NRCAM: variants seen among roughly 807,000 people sequenced by gnomAD.
The protein encoded by NRCAM is NgCAM-related cell adhesion molecule.
Under a neutral mutation model 156.5 loss-of-function variants are expected in NRCAM, and 83 were observed. The observed-to-expected ratio is 0.53, with a 90% CI of 0.44 to 0.64. The LOEUF (loss-of-function observed/expected upper bound fraction) is 0.64. NRCAM is among the 30% of genes least tolerant of loss of function. NRCAM has a pLI of 0.00. For synonymous variants in NRCAM, 538 were observed against 563.9 expected, an observed-to-expected ratio of 0.95 and a Z score of 0.65; for missense variants, 1,417 against 1,597.3, an observed-to-expected ratio of 0.89 and a Z score of 1.92.
intron 4 of NRCAM, among the ~76,000 whole-genome samples, chr7:108,238,791 A>AT (rs1215757439): frequency 5.9e-5 from 9 of 151,932 alleles, no homozygotes; most frequent in Non-Finnish European, 1.0e-4. Context: ...CACTGGATGA[A>AT]TTTTTTTTAA....
chr7:108,349,291 C>T (rs142882620), intron 2 of NRCAM, among the ~76,000 whole-genome samples: 26,235 of 149,370 alleles, frequency 0.18, 2,488 homozygotes, highest in Middle Eastern at 0.24. Flanking sequence ...TTTTTTGAGA[C>T]GGAGTCTCAC....
intron 26 of NRCAM, 108 bp from the exon 27 acceptor site, chr7:108,176,714 T>C (rs932047796): frequency 7.6e-6 from 6 of 791,962 alleles, no homozygotes; most frequent in Non-Finnish European, 1.2e-5. Flanking sequence ...TACATTGACT[T>C]TTATAATCCC....
At chr7:108,175,950 C>T (rs1359566362) in intron 27 of NRCAM, among the ~76,000 whole-genome samples, 3 of 152,028 alleles carry the variant, frequency 2.0e-5, no homozygotes, top group Admixed American at 2.0e-4. Context: ...GTTTCGATTT[C>T]CTTGCTAGAA....
intron 13 of NRCAM, among the ~76,000 whole-genome samples, chr7:108,204,974 T>C (rs1034456078): frequency 1.3e-5 from 2 of 152,188 alleles, no homozygotes; most frequent in Non-Finnish European, 2.9e-5. Flanking sequence ...AGTGTTATTA[T>C]GTTATGAGTG....
intron 11 of NRCAM, among the ~76,000 whole-genome samples, chr7:108,212,514 G>A (rs1275190023): frequency 6.6e-6 from 1 of 152,050 alleles, no homozygotes; most frequent in Non-Finnish European, 1.5e-5. Flanking sequence ...AGAAGCAAAG[G>A]GAGAAATAGT....
Position 108,148,836 on chromosome 7 carries a change from A to C in NRCAM, c.*1074T>G, listed in dbSNP as rs968335016. On this transcript the variant is annotated 3_prime_UTR_variant, in exon 33 of 33. Transcript: ENST00000379028. The stretch of plus-strand genomic sequence containing the variant: ...AATAGAAACCATAAAGGACCACAAA[A>C]TCATCATGTGCTTCAGTTGGCAACA... 55 of 152,492 alleles carry C rather than the reference A, an allele frequency of 3.6e-4. No individual in the cohort carries two copies. The highest frequency in any genetic ancestry group is 2.0e-3 in the Admixed American group (31 of 15,288). 9.4% of individuals were successfully genotyped at this position (152,492 alleles called of 1,614,324 possible).
chr7:108,201,176 TAAAA>T (rs71522858), intron 13 of NRCAM, among the ~76,000 whole-genome samples: 2 of 130,634 alleles, frequency 1.5e-5, no homozygotes, highest in Non-Finnish European at 1.6e-5. Context: ...TTAAGGTCGG[TAAAA>T]AAAAAAAAAA....
intron 5 of NRCAM, among the ~76,000 whole-genome samples, chr7:108,236,792 G>A (rs1678079778): frequency 6.6e-6 from 1 of 151,990 alleles, no homozygotes; most frequent in Non-Finnish European, 1.5e-5. Context: ...ATGGAAGGAA[G>A]CCTGGAATTC....
Position 108,207,588 on chromosome 7 carries a change from T to G in NRCAM, c.1147A>C (p.Arg383=), listed in dbSNP as rs142366452. The change falls in exon 13 of 33, where the codon AGA becomes CGA. Residue 383 remains arginine (R), a synonymous_variant. Transcript: ENST00000379028. The stretch of plus-strand genomic sequence containing the variant: ...CTGGGTTTGGGGTTGCCATTAGCTC[T>G]GCAGATCAAGGTCCCATCCTCTCCT... ...SPGEDGTLIC[R]ANGNPKPRIS... is the part of the protein sequence containing the mutation. The G allele has an allele frequency of 8.8e-4, 1,418 of 1,613,972 alleles. 18 individuals are homozygous for G. In the African/African-American group the frequency reaches 0.017, roughly 20 times the overall value.
At chr7:108,220,669 T>C (rs2091912771) in intron 11 of NRCAM, among the ~76,000 whole-genome samples, 1 of 152,150 alleles carries the variant, frequency 6.6e-6, no homozygotes, top group Non-Finnish European at 1.5e-5. Context: ...AACTGGATGT[T>C]CATCTCTCAC....
At chr7:108,418,829 G>A (rs1277269292) in intron 1 of NRCAM, among the ~76,000 whole-genome samples, 1 of 152,050 alleles carries the variant, frequency 6.6e-6, no homozygotes. Flanking sequence ...TTGACCATCA[G>A]TGTATAGGCT....
Position 108,406,890 on chromosome 7 carries a change from A to C in NRCAM, c.-331-7297T>G, listed in dbSNP as rs1396063874. 2.0e-5 allele frequency among the ~76,000 whole-genome samples: 3 copies of C among 152,230 alleles called. No individual in the cohort carries two copies. In the East Asian group the frequency reaches 5.8e-4, roughly 29 times the overall value. ...TAATGCATACTAGTATGAAGCTAGAATGCTAATGATTTTCATATTCTTCCT... is the reference window on the plus strand; with the variant it reads ...TAATGCATACTAGTATGAAGCTAGACTGCTAATGATTTTCATATTCTTCCT... On this transcript the variant is annotated intron_variant, in intron 1 of 32. Coordinates refer to ENST00000379028, the MANE Select transcript of NRCAM (RefSeq NM_001037132.4).
At chr7:108,159,276 T>A (rs1231132162) in intron 32 of NRCAM, 187 bp downstream of exon 32, 2 of 734,896 alleles carry the variant, frequency 2.7e-6, no homozygotes, top group African/African-American at 3.5e-5. Flanking sequence ...CAAAATTTAG[T>A]TTTTCAATGA....
intron 1 of NRCAM, among the ~76,000 whole-genome samples, chr7:108,405,931 C>T (rs567340287): frequency 6.7e-5 from 10 of 149,960 alleles, no homozygotes; most frequent in African/African-American, 2.2e-4. Flanking sequence ...CCAGCCTGGG[C>T]AACATAGTGA....
rs763576603 is a variant in NRCAM at position 108,194,415 on chromosome 7, T to C, written c.1477A>G (p.Lys493Glu). The C allele has an allele frequency of 1.2e-6, 2 of 1,600,164 alleles. No homozygotes were observed. The highest frequency in any genetic ancestry group is 1.7e-6 in the Non-Finnish European group (2 of 1,173,520). The change falls in exon 16 of 33, where the codon AAA (lysine) becomes GAA (glutamate). Residue 493 changes from lysine to glutamate, a missense_variant. Around this residue, in one of 2 missense-constraint regions of NRCAM, gnomAD observed 1,238 missense variants for 1,336.4 expected, o/e 0.93. Coordinates refer to ENST00000379028, the MANE Select transcript of NRCAM (RefSeq NM_001037132.4). ...LPTIEWFKGAKGSALHEDIYV... is the reference protein window; with the variant it reads ...LPTIEWFKGAEGSALHEDIYV... The stretch of plus-strand genomic sequence containing the variant: ...ATATCTTCATGAAGAGCACTTCCTT[T>C]AGCTCCTTTAAACCTTCATTACAGA...
intron 1 of NRCAM, among the ~76,000 whole-genome samples, chr7:108,403,852 G>A (rs1320663452): frequency 1.3e-5 from 2 of 152,134 alleles, no homozygotes; most frequent in Non-Finnish European, 1.5e-5. Flanking sequence ...TTAGGTCATC[G>A]GTATCCCCTT....
intron 9 of NRCAM, 59 bp from the exon 10 acceptor site, chr7:108,225,760 T>A (rs1167412021): frequency 9.7e-7 from 1 of 1,027,496 alleles, no homozygotes; most frequent in Non-Finnish European, 1.5e-6. Flanking sequence ...GGTCAAAAAG[T>A]ATTGGGCAAT....
intron 3 of NRCAM, among the ~76,000 whole-genome samples, chr7:108,257,913 G>A (rs1252207227): frequency 2.0e-5 from 3 of 152,022 alleles, no homozygotes; most frequent in Non-Finnish European, 2.9e-5. Context: ...TTCTTCACGT[G>A]CCACACTGCC....
intron 1 of NRCAM, among the ~76,000 whole-genome samples, chr7:108,426,070 G>C (rs955121722): frequency 6.6e-6 from 1 of 152,248 alleles, no homozygotes; most frequent in Non-Finnish European, 1.5e-5. Flanking sequence ...ATTTTCAAGA[G>C]AGTACAGTGA....
Sources: gnomAD v4.1 joint callset for allele counts (sites outside exome capture counted in the v4.1 genomes callset) on GRCh38, gnomAD v4.1.1 for gene constraint, gnomAD v4.1.1 regional missense constraint, MANE v1.5 for transcripts, NCBI Gene and HGNC (gene_info 2026-07-23, HGNC 2026-07-21) for gene names.